Variants in POT1 observed in about 807,000 individuals in gnomAD.
The protein encoded by POT1 is protection of telomeres protein 1.
Under a neutral mutation model 78.5 loss-of-function variants are expected in POT1, and 47 were observed. The observed-to-expected ratio is 0.60, with a 90% CI of 0.47 to 0.76. The LOEUF is 0.76. Among genes scored for constraint, POT1 ranks in the 30% least tolerant of loss-of-function variants. The pLI is 0.00. For missense variants in POT1, 646 were observed against 749.9 expected (o/e 0.86, Z 1.62); for synonymous variants, 259 against 260.7 (o/e 0.99, Z 0.06).
chr7:124,862,764 G>T (rs922282330), intron 8 of POT1, among the ~76,000 whole-genome samples: 1 of 152,118 alleles, frequency 6.6e-6, no homozygotes, highest in Non-Finnish European at 1.5e-5. Context: ...GGATGTCCAG[G>T]CAAGAAAAAC....
intron 3 of POT1, among the ~76,000 whole-genome samples, chr7:124,907,233 T>G (rs894609052): frequency 6.6e-6 from 1 of 152,142 alleles, no homozygotes; most frequent in African/African-American, 2.4e-5. Context: ...GTCATTTCCC[T>G]TTTGTGTCTG....
chr7:124,894,904 A>G (rs1423152417), intron 5 of POT1, among the ~76,000 whole-genome samples: 1 of 151,704 alleles, frequency 6.6e-6, no homozygotes, highest in Non-Finnish European at 1.5e-5. Context: ...ATGATAGCAT[A>G]TACTAGCATT....
intron 4 of POT1, among the ~76,000 whole-genome samples, 181 bp from the exon 5 acceptor site, chr7:124,897,393 TAAA>T (rs11329934): frequency 6.7e-6 from 1 of 150,100 alleles, no homozygotes; most frequent in Non-Finnish European, 1.5e-5. Flanking sequence ...TACAGAAACT[TAAA>T]AAAAAAAGGC....
At chr7:124,889,888 C>G (rs1240034791) in intron 6 of POT1, among the ~76,000 whole-genome samples, 1 of 151,896 alleles carries the variant, frequency 6.6e-6, no homozygotes, top group East Asian at 1.9e-4. Flanking sequence ...TGGAGATGTT[C>G]AAGATCAATG....
chr7:124,860,436 T>A (rs1033199342), intron 8 of POT1, among the ~76,000 whole-genome samples: 2 of 152,212 alleles, frequency 1.3e-5, no homozygotes, highest in Non-Finnish European at 2.9e-5. Flanking sequence ...ATTTTTCTAC[T>A]GTATTCTCAT....
At chr7:124,891,458 T>A (rs917791321) in intron 6 of POT1, among the ~76,000 whole-genome samples, 6 of 151,658 alleles carry the variant, frequency 4.0e-5, no homozygotes, top group Admixed American at 6.6e-5. Context: ...TCGTTTTTTT[T>A]AATGCACTCA....
chr7:124,838,046 ACTT>A (rs1794937979), intron 14 of POT1, among the ~76,000 whole-genome samples: 1 of 152,148 alleles, frequency 6.6e-6, no homozygotes, highest in Admixed American at 6.6e-5. Flanking sequence ...ATATTGGGGA[ACTT>A]CTTCAACTTG....
At chr7:124,835,144 G>A in intron 15 of POT1, 135 bp downstream of exon 15, 1 of 1,019,574 alleles carries the variant, frequency 9.8e-7, no homozygotes, top group Non-Finnish European at 1.4e-6. Flanking sequence ...CCTAATGCAG[G>A]TGACGGGTTG....
At chr7:124,920,922 C>T (rs1797133675) in intron 2 of POT1, among the ~76,000 whole-genome samples, 2 of 151,758 alleles carry the variant, frequency 1.3e-5, no homozygotes, top group African/African-American at 2.4e-5. Context: ...AAAGATCCTG[C>T]CACTATAAAA....
chr7:124,925,003 A>G (rs1797240159), intron 2 of POT1, among the ~76,000 whole-genome samples: 1 of 152,098 alleles, frequency 6.6e-6, no homozygotes, highest in African/African-American at 2.4e-5. Flanking sequence ...CACAGCCAAC[A>G]TAATACTGAA....
intron 15 of POT1, among the ~76,000 whole-genome samples, chr7:124,833,998 C>A (rs1476493284): frequency 6.6e-6 from 1 of 152,078 alleles, no homozygotes; most frequent in African/African-American, 2.4e-5. Flanking sequence ...CTGACAAAAA[C>A]AAGCAATGGG....
At chr7:124,887,257 C>G (rs1447752485) in intron 6 of POT1, among the ~76,000 whole-genome samples, 1 of 152,060 alleles carries the variant, frequency 6.6e-6, no homozygotes, top group African/African-American at 2.4e-5. Flanking sequence ...GCACAAATTT[C>G]TCTACTTCAA....
Position 124,858,989 on chromosome 7 carries a change from C to T in POT1, c.670G>A (p.Asp224Asn), listed in dbSNP as rs202187871. 274 of 1,610,988 alleles carry T rather than the reference C, an allele frequency of 1.7e-4. 1 individual carries two copies. The highest frequency in any genetic ancestry group is 2.1e-4 in the Non-Finnish European group (242 of 1,177,902). ...QNLTIDILVYDNHVHVARSLK... is the reference protein window; with the variant it reads ...QNLTIDILVYNNHVHVARSLK... ...GATCTTGCCACATGAACATGGTTATCGTAGACTAAAATGTCTATTGTCAGA... is the reference window on the plus strand; with the variant it reads ...GATCTTGCCACATGAACATGGTTATTGTAGACTAAAATGTCTATTGTCAGA... The change falls in exon 9 of 19, where the codon GAT becomes AAT. Residue 224 changes from aspartate to asparagine, a missense_variant. By Grantham distance (23) the Asp-to-Asn change is conservative (BLOSUM62 1). Transcript: ENST00000357628.
intron 6 of POT1, among the ~76,000 whole-genome samples, chr7:124,872,927 G>A (rs1439492752): frequency 6.6e-6 from 1 of 152,168 alleles, no homozygotes; most frequent in African/African-American, 2.4e-5. Flanking sequence ...TGGTTTTAAT[G>A]ATTAGTGATG....
chr7:124,928,783 G>A (rs1249419039), intron 2 of POT1, 32 bp downstream of exon 2: 1 of 152,528 alleles, frequency 6.6e-6, no homozygotes, highest in Non-Finnish European at 1.5e-5. Context: ...CTTTTAGTAG[G>A]AAAAAGCATT....
At chr7:124,857,294 G>C (rs1795469131) in intron 9 of POT1, among the ~76,000 whole-genome samples, 2 of 152,192 alleles carry the variant, frequency 1.3e-5, no homozygotes, top group Admixed American at 1.3e-4. Context: ...TCTGCAAAGA[G>C]ACATTGTGGA....
chr7:124,879,748 A>C (rs1796075994), intron 6 of POT1, among the ~76,000 whole-genome samples: 1 of 152,144 alleles, frequency 6.6e-6, no homozygotes, highest in Non-Finnish European at 1.5e-5. Flanking sequence ...TTAGCAATAT[A>C]AGATTTTGGT....
chr7:124,898,981 A>C (rs1396616792), intron 3 of POT1, among the ~76,000 whole-genome samples: 1 of 152,158 alleles, frequency 6.6e-6, no homozygotes, highest in Non-Finnish European at 1.5e-5. Flanking sequence ...AGAGTTTTGC[A>C]TTGCTGCATA....
chr7:124,920,602 G>T (rs1797126006), intron 2 of POT1, among the ~76,000 whole-genome samples: 1 of 151,910 alleles, frequency 6.6e-6, no homozygotes, highest in Non-Finnish European at 1.5e-5. Context: ...GTTAGAAAAG[G>T]GTAAGTACAC....
Sources: allele counts gnomAD v4.1 joint callset (sites outside exome capture counted in the v4.1 genomes callset), GRCh38; gene constraint gnomAD v4.1.1; transcripts MANE v1.5; gene names NCBI Gene and HGNC (gene_info 2026-07-23, HGNC 2026-07-21).